SLC12A6: variants seen among roughly 807,000 people sequenced by gnomAD.
SLC12A6 encodes K-Cl cotransporter 3.
Under a neutral mutation model 135.3 loss-of-function variants are expected in SLC12A6, and 66 were observed. The observed-to-expected ratio is 0.49, with a 90% CI of 0.40 to 0.60. The LOEUF (loss-of-function observed/expected upper bound fraction) is 0.60. SLC12A6 is among the 20% of genes least tolerant of loss of function. The pLI is 0.00. For synonymous variants in SLC12A6, 513 were observed against 508.8 expected, an observed-to-expected ratio of 1.01 and a Z score of -0.11; for missense variants, 1,058 against 1,452.3, an observed-to-expected ratio of 0.73 and a Z score of 4.41.
intron 3 of SLC12A6, among the ~76,000 whole-genome samples, chr15:34,264,155 T>A (rs576341502): frequency 2.6e-5 from 4 of 152,152 alleles, no homozygotes; most frequent in Admixed American, 2.6e-4. Flanking sequence ...AAATCACTAA[T>A]AAAATAACAG....
In SLC12A6 at chr15:34,336,533, T is replaced by G. The variant is rs746317063; in HGVS notation, c.148A>C (p.Ser50Arg). ...SSRVRFSSRE[S>R]VPETSRSEPM... ...TCACTCCGGCTTGTTTCAGGCACGCTTTCCCGGGAGCTAAATCTTACTCGG... is the reference window on the plus strand; with the variant it reads ...TCACTCCGGCTTGTTTCAGGCACGCGTTCCCGGGAGCTAAATCTTACTCGG... The change falls in exon 2 of 26, where the codon AGC becomes CGC. Residue 50 changes from serine to arginine, a missense_variant. Transcript: ENST00000354181. 2.2e-5 allele frequency: 35 copies of G among 1,613,988 alleles called. No individual in the cohort carries two copies. Among genetic ancestry groups the G allele is most frequent in the Non-Finnish European group, 2.8e-5 (33 of 1,180,008 alleles).
At chr15:34,304,185 T>C (rs1896444371) in intron 2 of SLC12A6, among the ~76,000 whole-genome samples, 1 of 152,182 alleles carries the variant, frequency 6.6e-6, no homozygotes, top group African/African-American at 2.4e-5. Flanking sequence ...TGTTTGGGGT[T>C]TTTTGCAACT....
chr15:34,332,044 C>A (rs1401304435), intron 2 of SLC12A6, among the ~76,000 whole-genome samples: 2 of 152,180 alleles, frequency 1.3e-5, no homozygotes, highest in Non-Finnish European at 2.9e-5. Context: ...AATCTTTCTA[C>A]ACTTTTCACC....
intron 4 of SLC12A6, among the ~76,000 whole-genome samples, chr15:34,260,588 T>C (rs1893054154): frequency 6.6e-6 from 1 of 152,172 alleles, no homozygotes; most frequent in South Asian, 2.1e-4. Flanking sequence ...CAAATGATAG[T>C]CTTTCCAGAC....
chr15:34,327,437 C>A (rs1256082031), intron 2 of SLC12A6, among the ~76,000 whole-genome samples: 1 of 152,056 alleles, frequency 6.6e-6, no homozygotes, highest in East Asian at 1.9e-4. Flanking sequence ...GAGGCCGAGG[C>A]AGACAGATCA....
chr15:34,239,889 A>G (rs899116262), intron 19 of SLC12A6, among the ~76,000 whole-genome samples: 1 of 152,158 alleles, frequency 6.6e-6, no homozygotes, highest in Non-Finnish European at 1.5e-5. Context: ...ATTCTGGAGT[A>G]ATGTTTCTTC....
intron 3 of SLC12A6, among the ~76,000 whole-genome samples, chr15:34,261,820 A>T (rs1326105446): frequency 6.6e-6 from 1 of 152,228 alleles, no homozygotes; most frequent in African/African-American, 2.4e-5. Flanking sequence ...ATTTCACACC[A>T]GTCAGAATGG....
intron 21 of SLC12A6, 21 bp from the exon 22 acceptor site, chr15:34,237,571 T>C (rs1047961211): frequency 1.2e-6 from 2 of 1,607,748 alleles, no homozygotes; most frequent in Non-Finnish European, 1.7e-6. Context: ...GACATACACA[T>C]GTGAAAAATT....
chr15:34,262,569 G>A (rs778816723), intron 3 of SLC12A6, among the ~76,000 whole-genome samples: 9 of 152,164 alleles, frequency 5.9e-5, no homozygotes, highest in East Asian at 1.9e-4. Flanking sequence ...AAGCAGCAGC[G>A]GGCGGGAGCA....
At chr15:34,318,313 A>G (rs1276563152) in intron 2 of SLC12A6, among the ~76,000 whole-genome samples, 1 of 152,218 alleles carries the variant, frequency 6.6e-6, no homozygotes, top group African/African-American at 2.4e-5. Context: ...CTCTTCAAAC[A>G]TTGCCACTGA....
chr15:34,286,619 A>T (rs1880436571), intron 2 of SLC12A6, among the ~76,000 whole-genome samples: 1 of 151,496 alleles, frequency 6.6e-6, no homozygotes, highest in South Asian at 2.1e-4. Flanking sequence ...GCATGGTGAA[A>T]CCCAGTCTCT....
Position 34,336,698 on chromosome 15 carries a change from CA to C in SLC12A6, c.-19del, listed in dbSNP as rs1566881500. On this transcript the variant is annotated 5_prime_UTR_variant, in exon 2 of 26. Transcript: ENST00000354181. ...GGATGCATTTTGTTCTTTTTAAGAA[CA>C]AAAAAAGTGGGGGGAACCTCGCAAA... is the stretch of plus-strand genomic sequence containing the variant. 9 of 1,612,608 alleles carry C rather than the reference CA, an allele frequency of 5.6e-6. No homozygotes were observed. The Admixed American group carries it at 1.2e-4, about 21-fold the overall frequency.
chr15:34,323,085 G>A (rs1233268086), intron 2 of SLC12A6, among the ~76,000 whole-genome samples: 1 of 149,890 alleles, frequency 6.7e-6, no homozygotes, highest in Non-Finnish European at 1.5e-5. Context: ...AAAATGAATA[G>A]GCAAGTCACA....
intron 14 of SLC12A6, 129 bp from the exon 15 acceptor site, chr15:34,245,532 C>T: frequency 1.1e-6 from 1 of 878,818 alleles, no homozygotes; most frequent in Non-Finnish European, 2.0e-6. Context: ...AATACCTTTA[C>T]AGCACTCACA....
chr15:34,251,824 A>C (rs1485175511), intron 10 of SLC12A6, among the ~76,000 whole-genome samples: 1 of 152,224 alleles, frequency 6.6e-6, no homozygotes, highest in East Asian at 1.9e-4. Flanking sequence ...ATACATGTGG[A>C]TGTGGACATT....
intron 2 of SLC12A6, among the ~76,000 whole-genome samples, chr15:34,335,034 T>C (rs896236017): frequency 6.6e-6 from 1 of 152,232 alleles, no homozygotes; most frequent in African/African-American, 2.4e-5. Context: ...AACACTGGTA[T>C]AGTCTTTACC....
At chr15:34,292,809 A>T (rs1192857682) in intron 2 of SLC12A6, among the ~76,000 whole-genome samples, 1 of 152,108 alleles carries the variant, frequency 6.6e-6, no homozygotes. Flanking sequence ...TGGGTGTGGG[A>T]CCTGCTGAGC....
chr15:34,336,837 T>C (rs1890232784), intron 1 of SLC12A6, 85 bp from the exon 2 acceptor site: 14 of 676,744 alleles, frequency 2.1e-5, no homozygotes, highest in Middle Eastern at 3.9e-4. Context: ...TAAGAATACT[T>C]CTACTCAGAA....
Position 34,258,794 on chromosome 15 carries a change from T to C in SLC12A6, c.543+19A>G. 3.1e-6 allele frequency: 5 copies of C among 1,604,892 alleles called. No homozygotes were observed. The highest frequency in any genetic ancestry group is 4.3e-6 in the Non-Finnish European group (5 of 1,171,632). On this transcript the variant is annotated intron_variant, in intron 5 of 25. Transcript: ENST00000354181. ...TACAGGGCTCTTTCTATGTATTCCTTGTTATTCTGAGGCCTCACCTTGGTG... is the reference window on the plus strand; with the variant it reads ...TACAGGGCTCTTTCTATGTATTCCTCGTTATTCTGAGGCCTCACCTTGGTG...
Sources: allele counts gnomAD v4.1 joint callset (sites outside exome capture counted in the v4.1 genomes callset), GRCh38; gene constraint gnomAD v4.1.1; transcripts MANE v1.5; gene names NCBI Gene and HGNC (gene_info 2026-07-23, HGNC 2026-07-21).